The following HERC2 variants were observed in gnomAD, a reference collection of about 807,000 sequenced individuals.
HERC2 encodes the protein E3 ubiquitin-protein ligase HERC2.
Under a neutral mutation model 537.7 loss-of-function variants are expected in HERC2, and 102 were observed. That is an observed-to-expected ratio of 0.19 (90% CI 0.16 to 0.22). The LOEUF is 0.22. HERC2 is among the 10% of genes least tolerant of loss of function. The pLI, the probability that HERC2 is intolerant of heterozygous loss-of-function variation, is 1.00. For synonymous variants in HERC2, 2,224 were observed against 2,466.2 expected, an observed-to-expected ratio of 0.90 and a Z score of 2.91; for missense variants, 4,236 against 6,198.2, an observed-to-expected ratio of 0.68 and a Z score of 10.63.
At chr15:28,168,297 A>C (rs941374270) in intron 67 of HERC2, 110 bp downstream of exon 67, 2 of 1,058,992 alleles carry the variant, frequency 1.9e-6, no homozygotes, top group African/African-American at 3.2e-5. Context: ...CAAAAATCTA[A>C]GCGGGAGGCA....
chr15:28,295,634 G>A (rs1261837523), intron 3 of HERC2, among the ~76,000 whole-genome samples: 2 of 152,062 alleles, frequency 1.3e-5, no homozygotes, highest in Admixed American at 6.5e-5. Context: ...CTGACCTCAG[G>A]TGATCCGCCT....
At position 28,238,156 on chromosome 15, in the gene HERC2, G is replaced by A; in HGVS notation, c.3810C>T (p.Thr1270=). ...ALEAALQFED[T]RESMHAFCVG... ...CACAAAACGCGTGCATGGATTCCCGGGTGTCTTCAAACTGCAAAGCAGCTT... is the reference window on the plus strand; with the variant it reads ...CACAAAACGCGTGCATGGATTCCCGAGTGTCTTCAAACTGCAAAGCAGCTT... Residue 1270 remains threonine (T), a synonymous_variant, in exon 25 of 93, where the codon ACC becomes ACT. Transcript: ENST00000261609. 6.2e-7 allele frequency: 1 copy of A among 1,611,878 alleles called. No homozygotes were observed. Among genetic ancestry groups the A allele is most frequent in the Non-Finnish European group, 8.5e-7 (1 of 1,179,770 alleles).
At chr15:28,196,123 A>C in intron 52 of HERC2, 92 bp downstream of exon 52, 5 of 1,263,642 alleles carry the variant, frequency 4.0e-6, no homozygotes, top group Non-Finnish European at 5.6e-6. Flanking sequence ...ATACATAGGA[A>C]CCTTAAAATA....
Position 28,238,765 on chromosome 15 carries a change from A to C in HERC2, c.3585T>G (p.Phe1195Leu), listed in dbSNP as rs1902728449. The change falls in exon 24 of 93, where the codon TTT becomes TTG. Residue 1195 changes from phenylalanine (F) to leucine (L), a missense_variant. Around this residue, in one of 27 missense-constraint regions of HERC2, gnomAD observed 754 missense variants for 1,085.0 expected, o/e 0.69. Coordinates refer to ENST00000261609, the MANE Select transcript of HERC2 (RefSeq NM_004667.6). Reference protein sequence around the residue: ...ELAWPGIMESFFTGQNCRNNE... With the variant: ...ELAWPGIMESLFTGQNCRNNE... The stretch of plus-strand genomic sequence containing the variant: ...TATTTCTACAGTTCTGACCTGTAAA[A>C]AATGACTCTGTATATACAGAAACCA... The C allele has an allele frequency of 1.9e-6, 3 of 1,609,540 alleles. No individual in the cohort carries two copies. The highest frequency in any genetic ancestry group is 2.5e-6 in the Non-Finnish European group (3 of 1,177,660).
At chr15:28,320,958 T>C (rs1232193165) in intron 2 of HERC2, among the ~76,000 whole-genome samples, 1 of 151,620 alleles carries the variant, frequency 6.6e-6, no homozygotes, top group Non-Finnish European at 1.5e-5. Context: ...ATAAAATGAG[T>C]GAGTTTCTAT....
At chr15:28,144,920 A>C in intron 71 of HERC2, 116 bp from the exon 72 acceptor site, 1 of 1,345,836 alleles carries the variant, frequency 7.4e-7, no homozygotes, top group Non-Finnish European at 1.0e-6. Flanking sequence ...AGTTCCTCCA[A>C]TCCAAGCTCT....
At position 28,186,792 on chromosome 15, in the gene HERC2, A is replaced by G. The variant is rs148569037; in HGVS notation, c.8650-40T>C. ...CATGATCTATAGACTCTGTAGAATC[A>G]AGCATATTAGATCCTCTAACTGGAG... is the stretch of plus-strand genomic sequence containing the variant. On this transcript the variant is annotated intron_variant, in intron 55 of 92. Coordinates refer to ENST00000261609, the MANE Select transcript of HERC2 (RefSeq NM_004667.6). 8.5e-4 allele frequency: 1,255 copies of G among 1,470,858 alleles called. 3 individuals carry two copies. In the African/African-American group the frequency reaches 0.016, roughly 19 times the overall value. 91.1% of individuals were successfully genotyped at this position (1,470,858 alleles called of 1,614,324 possible). A position where few individuals can be genotyped will look rare whatever the true frequency, so the allele number is the denominator to read the frequency against.
Position 28,264,013 on chromosome 15 carries a change from T to C in HERC2, c.1871-844A>G, listed in dbSNP as rs546193404. Among the ~76,000 whole-genome samples the C allele has an allele frequency of 1.6e-4, 22 of 133,386 alleles. No homozygotes were observed. The South Asian group carries it at 2.0e-3, about 12-fold the overall frequency. The allele number at this position is 133,386 out of a possible 152,430, so 87.5% of individuals were successfully genotyped here. On this transcript the variant is annotated intron_variant, in intron 14 of 92. Coordinates refer to ENST00000261609, the MANE Select transcript of HERC2 (RefSeq NM_004667.6). ...CAGCCTGGGTGACAGAGCAAAACTT[T>C]GTCTTACAAAAAAAAAAAAAAAAAA...
rs770339797 is a variant in HERC2, at chr15:28,168,358, T to C, written c.10413+49A>G. The C allele has an allele frequency of 2.6e-6, 4 of 1,557,166 alleles. 1 individual carries two copies. Among genetic ancestry groups the C allele is most frequent in the Non-Finnish European group, 1.8e-6 (2 of 1,137,832 alleles). On this transcript the variant is annotated intron_variant, in intron 67 of 92. Transcript: ENST00000261609. Reference sequence around the variant, plus strand: ...CAATGAGACTTTCCTAGACACAAAGTAGCCACCTTTTCCTTTCTGATCTAA... The same window carrying C: ...CAATGAGACTTTCCTAGACACAAAGCAGCCACCTTTTCCTTTCTGATCTAA...
chr15:28,295,313 G>A (rs1305204213), intron 3 of HERC2, among the ~76,000 whole-genome samples: 5 of 138,402 alleles, frequency 3.6e-5, no homozygotes, highest in Admixed American at 2.1e-4. Flanking sequence ...GTGTGTGGGG[G>A]GGGGGGAGTG....
Position 28,214,101 on chromosome 15 carries a change from C to T in HERC2, c.6530G>A (p.Ser2177Asn). 3 of 1,614,168 alleles carry T rather than the reference C, an allele frequency of 1.9e-6. No homozygotes were observed. In the South Asian group the frequency reaches 3.3e-5, roughly 18 times the overall value. Residue 2177 changes from serine to asparagine, a missense_variant, in exon 41 of 93, where the codon AGC (serine) becomes AAC (asparagine). Transcript: ENST00000261609. The stretch of plus-strand genomic sequence containing the variant: ...CCCTTCGGAAGGCCTTCCCACAAAG[C>T]TGTGGGTGATGGAGCGGAGCTGGGA... ...INSQLRSITH[S>N]FVGRPSEGAQ... is the part of the protein sequence containing the mutation.
intron 3 of HERC2, chr15:28,298,548 C>G (rs1265229828): frequency 6.6e-6 from 1 of 152,108 alleles, no homozygotes; most frequent in Non-Finnish European, 1.5e-5. Context: ...ATAATCCCAG[C>G]ACTTTGGGAG....
chr15:28,269,205 C>A, intron 11 of HERC2, 43 bp downstream of exon 11: 1 of 1,538,410 alleles, frequency 6.5e-7, no homozygotes, highest in Non-Finnish European at 8.9e-7. Flanking sequence ...ACAGACCCTG[C>A]CCCGCAAGGG....
rs1889968206 is a variant in HERC2, at chr15:28,130,258, T to C, written c.12707A>G (p.His4236Arg). The C allele has an allele frequency of 6.2e-7, 1 of 1,614,124 alleles. No individual in the cohort carries two copies. The highest frequency in any genetic ancestry group is 8.5e-7 in the Non-Finnish European group (1 of 1,180,014). ...YHRLGHGSDD[H>R]VRRPRQVQGL... ...TTGGACCTGCCGAGGCCTTCGAACA[T>C]GGTCATCTGATCCATGGCCCAACCT... Residue 4236 changes from histidine to arginine, a missense_variant, in exon 83 of 93, where the codon CAT becomes CGT. Around this residue, in one of 27 missense-constraint regions of HERC2, gnomAD observed 189 missense variants for 255.7 expected, o/e 0.74. Transcript: ENST00000261609.
At chr15:28,254,656 C>T in intron 19 of HERC2, 138 bp from the exon 20 acceptor site, 1 of 568,952 alleles carries the variant, frequency 1.8e-6, no homozygotes, top group Non-Finnish European at 3.0e-6. Flanking sequence ...CACAGGCCCC[C>T]ATCTGCCTTG....
chr15:28,185,856 CTTGTTTTATT>C (rs1896258611), intron 56 of HERC2, among the ~76,000 whole-genome samples: 1 of 152,194 alleles, frequency 6.6e-6, no homozygotes, highest in South Asian at 2.1e-4. Flanking sequence ...ATGTGTTTGT[CTTGTTTTATT>C]TTGCATGTTC....
chr15:28,175,438 C>T lies in HERC2; in HGVS notation c.9831+74G>A, dbSNP rs960715248. The T allele has an allele frequency of 2.2e-5, 30 of 1,386,408 alleles. No homozygotes were observed. In the East Asian group the frequency reaches 2.4e-4, roughly 11 times the overall value. 85.9% of individuals were successfully genotyped at this position (1,386,408 alleles called of 1,614,324 possible). On this transcript the variant is annotated intron_variant, in intron 64 of 92. Transcript: ENST00000261609. The stretch of plus-strand genomic sequence containing the variant: ...ATCAACAGCTGTGATTTCAACAGGA[C>T]GAAGGCCGTGTCATGACCCCCACGT...
chr15:28,280,336 A>G, intron 4 of HERC2, 49 bp from the exon 5 acceptor site: 1 of 1,451,148 alleles, frequency 6.9e-7, no homozygotes, highest in Non-Finnish European at 9.5e-7. Flanking sequence ...ATGTGGCCAC[A>G]GTTTGTTGCA....
At chr15:28,185,326 CAG>C (rs747570364) in intron 56 of HERC2, among the ~76,000 whole-genome samples, 2 of 152,126 alleles carry the variant, frequency 1.3e-5, no homozygotes, top group Non-Finnish European at 2.9e-5. Context: ...TCTTGGTCAA[CAG>C]AGTTCAGCCA....
Sources: allele counts gnomAD v4.1 joint callset (sites outside exome capture counted in the v4.1 genomes callset), GRCh38; gene constraint gnomAD v4.1.1; regional missense constraint gnomAD v4.1.1; transcripts MANE v1.5; gene names NCBI Gene and HGNC (gene_info 2026-07-23, HGNC 2026-07-21).